The following CLCN1 variants were observed in gnomAD, a reference collection of about 807,000 sequenced individuals.
The protein encoded by CLCN1 is chloride channel protein 1.
A neutral mutation model predicts 114.5 loss-of-function variants in CLCN1; 100 were observed. That is an observed-to-expected ratio of 0.87 (90% CI 0.74 to 1.03). The LOEUF (loss-of-function observed/expected upper bound fraction) is 1.03, where lower values mean the gene tolerates loss of function less well. Among genes scored for constraint, CLCN1 ranks in the 50% least tolerant of loss-of-function variants. CLCN1 has a pLI of 0.00. For missense variants in CLCN1, 1,188 were observed against 1,250.0 expected, an observed-to-expected ratio of 0.95 and a Z score of 0.75; for synonymous variants, 485 against 487.1, an observed-to-expected ratio of 1.00 and a Z score of 0.06.
At position 143,339,720 on chromosome 7, in the gene CLCN1, C is replaced by T. The variant is rs1052783352; in HGVS notation, c.1582+99C>T. On this transcript the variant is annotated intron_variant, in intron 14 of 22. Transcript: ENST00000343257. The surrounding 1 kb of genome is among the most constrained non-coding windows in gnomAD (Gnocchi z 4.1). Reference sequence around the variant, plus strand: ...GATCTTCATTCTAGGCTACACAATACGGTTTTAATTTAGTGCTACTTAACT... The same window carrying T: ...GATCTTCATTCTAGGCTACACAATATGGTTTTAATTTAGTGCTACTTAACT... The T allele has an allele frequency of 9.8e-5, 80 of 813,410 alleles. 1 individual carries two copies. The highest frequency in any genetic ancestry group is 1.0e-4 in the East Asian group (4 of 40,144). The allele number at this position is 813,410 out of a possible 1,614,324, so 50.4% of individuals were successfully genotyped here.
At chr7:143,333,604 CT>C (rs1287370108) in intron 12 of CLCN1, among the ~76,000 whole-genome samples, 1 of 152,152 alleles carries the variant, frequency 6.6e-6, no homozygotes, top group Non-Finnish European at 1.5e-5. Flanking sequence ...ATTTGAGCAT[CT>C]TTTTTCCCCC....
chr7:143,339,365 A>G lies in CLCN1; in HGVS notation c.1471+43A>G. On this transcript the variant is annotated intron_variant, in intron 13 of 22. Coordinates refer to ENST00000343257, the MANE Select transcript of CLCN1 (RefSeq NM_000083.3). This position sits in a 1 kb window ranked among gnomAD's most constrained non-coding sequence, Gnocchi z 4.1. ...GCCTGGGGTCTGACTGAGAGTTGCA[A>G]TCTAGGATACAGGAAACATAAGGAA... is the stretch of plus-strand genomic sequence containing the variant. 1 of 1,492,826 alleles carries G rather than the reference A, an allele frequency of 6.7e-7. No individual in the cohort carries two copies. Among genetic ancestry groups the G allele is most frequent in the Non-Finnish European group, 9.4e-7 (1 of 1,069,450 alleles). The allele number at this position is 1,492,826 out of a possible 1,614,324, so 92.5% of individuals were successfully genotyped here. A position where few individuals can be genotyped will look rare whatever the true frequency, so the allele number is the denominator to read the frequency against.
Position 143,345,537 on chromosome 7 carries a change from G to T in CLCN1, c.1947G>T (p.Leu649=). The T allele has an allele frequency of 1.9e-6, 3 of 1,539,602 alleles. No individual in the cohort carries two copies. The highest frequency in any genetic ancestry group is 2.6e-6 in the Non-Finnish European group (3 of 1,138,832). Reference sequence around the variant, plus strand: ...TTCCCTCAGATTCAATGATCCTGCTGGGCTCGGTGGAGCGGTCGGAACTGC... The same window carrying T: ...TTCCCTCAGATTCAATGATCCTGCTTGGCTCGGTGGAGCGGTCGGAACTGC... ...LVDSKDSMIL[L]GSVERSELQA... Residue 649 remains leucine, a synonymous_variant, in exon 17 of 23, where the codon CTG becomes CTT. Transcript: ENST00000343257.
chr7:143,319,037 C>A (rs193299990), intron 1 of CLCN1, among the ~76,000 whole-genome samples: 148 of 152,232 alleles, frequency 9.7e-4, no homozygotes, highest in Middle Eastern at 6.8e-3. Flanking sequence ...TCTTGTATAC[C>A]CCACACAGAC....
chr7:143,331,336 C>G lies in CLCN1; in HGVS notation c.1064+20C>G, dbSNP rs756608873. 17 of 1,551,170 alleles carry G rather than the reference C, an allele frequency of 1.1e-5. No homozygotes were observed. Among genetic ancestry groups the G allele is most frequent in the Non-Finnish European group, 1.3e-5 (15 of 1,122,850 alleles). On this transcript the variant is annotated intron_variant, in intron 9 of 22. Coordinates refer to ENST00000343257, the MANE Select transcript of CLCN1 (RefSeq NM_000083.3). ...CATCGGGTCAGTGGGGTTACCTGCT[C>G]TGTGTGTGGTGAGCAGGGTGTGGAG...
rs1193253727 is a variant in CLCN1, at chr7:143,339,491, TC to T, written c.1472-18del. ...AACTTGGATCTCGTAACACCTTCCT[TC>T]CTTTTATCTTCCCTCTAGGAGCTGC... On this transcript the variant is annotated intron_variant, in intron 13 of 22. Coordinates refer to ENST00000343257, the MANE Select transcript of CLCN1 (RefSeq NM_000083.3). The surrounding 1 kb of genome is among the most constrained non-coding windows in gnomAD (Gnocchi z 4.1). 6.3e-7 allele frequency: 1 copy of T among 1,581,958 alleles called. No individual in the cohort carries two copies. The highest frequency in any genetic ancestry group is 1.7e-5 in the Admixed American group (1 of 59,972).
chr7:143,351,582 A>C lies in CLCN1; in HGVS notation c.2596-12A>C. On this transcript the variant is annotated splice_polypyrimidine_tract_variant and intron_variant, in intron 22 of 22. Coordinates refer to ENST00000343257, the MANE Select transcript of CLCN1 (RefSeq NM_000083.3). Reference sequence around the variant, plus strand: ...ACTTTTTACCCTCTTTTCCTTTCCCACTGCTCTTCAGCTACAGAAGGCCAT... The same window carrying C: ...ACTTTTTACCCTCTTTTCCTTTCCCCCTGCTCTTCAGCTACAGAAGGCCAT... 6.2e-7 allele frequency: 1 copy of C among 1,610,898 alleles called. No homozygotes were observed. Among genetic ancestry groups the C allele is most frequent in the Non-Finnish European group, 8.5e-7 (1 of 1,179,258 alleles).
chr7:143,345,612 C>T lies in CLCN1; in HGVS notation c.2022C>T (p.Ala674=). The T allele has an allele frequency of 6.4e-7, 1 of 1,557,674 alleles. No individual in the cohort carries two copies. ...GTCCTGAGCGCAGGCTGCGCGCAGCCCAAGAGATGGCGCGGAAGTTGTCGG... is the reference window on the plus strand; with the variant it reads ...GTCCTGAGCGCAGGCTGCGCGCAGCTCAAGAGATGGCGCGGAAGTTGTCGG... The part of the protein sequence containing the change: ...HLCPERRLRA[A]QEMARKLSEL... Residue 674 remains alanine, a synonymous_variant, in exon 17 of 23, where the codon GCC becomes GCT. Coordinates refer to ENST00000343257, the MANE Select transcript of CLCN1 (RefSeq NM_000083.3).
intron 7 of CLCN1, among the ~76,000 whole-genome samples, chr7:143,328,278 T>C (rs4725611): frequency 0.86 from 131,127 of 152,054 alleles, 56,884 homozygotes; most frequent in Admixed American, 0.93. Flanking sequence ...AAAGTGTGTC[T>C]ATGAGTAGGA....
rs1250749726 is a variant in CLCN1, at chr7:143,324,790, C to G, written c.853+298C>G. ...TACAAGCCAGGAATTAAAACCAAGG[C>G]AGTCTCCGTGGCTCCCCTACTTATT... On this transcript the variant is annotated intron_variant, in intron 7 of 22. Transcript: ENST00000343257. This position sits in a 1 kb window ranked among gnomAD's most constrained non-coding sequence, Gnocchi z 4.6. Among the ~76,000 whole-genome samples, 1 of 152,186 alleles carries G rather than the reference C, an allele frequency of 6.6e-6. No homozygotes were observed.
rs148076432 is a variant in CLCN1, at chr7:143,344,994, C to T, written c.1931-527C>T. On this transcript the variant is annotated intron_variant, in intron 16 of 22. Coordinates refer to ENST00000343257, the MANE Select transcript of CLCN1 (RefSeq NM_000083.3). Reference sequence around the variant, plus strand: ...CTCGAACTCCTGACCTCAGGCGACCCGCCTGCCTCGGCCTTCCAAAGTAGT... The same window carrying T: ...CTCGAACTCCTGACCTCAGGCGACCTGCCTGCCTCGGCCTTCCAAAGTAGT... 9.2e-3 allele frequency among the ~76,000 whole-genome samples: 1,394 copies of T among 152,222 alleles called. 12 individuals carry two copies. The highest frequency in any genetic ancestry group is 0.012 in the Non-Finnish European group (813 of 68,016).
chr7:143,336,623 A>G (rs1967619), intron 12 of CLCN1, among the ~76,000 whole-genome samples: 38,329 of 112,796 alleles, frequency 0.34, 5,183 homozygotes, highest in African/African-American at 0.44. Flanking sequence ...AAAAAAAAAA[A>G]AAGAAGAAGA....
chr7:143,320,553 T>TTGTCTCTCTCTC, intron 2 of CLCN1, 111 bp from the exon 3 acceptor site: 1 of 672,510 alleles, frequency 1.5e-6, no homozygotes, highest in Non-Finnish European at 2.4e-6. Flanking sequence ...TTAGCTGCTT[T>TTGTCTCTCTCTC]TCTCTCTCTC....
intron 1 of CLCN1, among the ~76,000 whole-genome samples, chr7:143,319,429 C>T (rs147353950): frequency 3.9e-4 from 60 of 152,302 alleles, no homozygotes; most frequent in African/African-American, 1.4e-3. Context: ...TTGATATGGC[C>T]ACCTGGGTTC....
intron 1 of CLCN1, among the ~76,000 whole-genome samples, chr7:143,317,062 T>C (rs954844989): frequency 6.6e-6 from 1 of 152,020 alleles, no homozygotes; most frequent in South Asian, 2.1e-4. Context: ...CCTCCCGCTG[T>C]GGGATTGGTG....
rs752414398 is a variant in CLCN1, at chr7:143,321,502, T to G, written c.562+9T>G. ...CTCTCCCCAGGCTGTTGGTGAGAAC[T>G]TGCCACCAGACTCGGCCTGAGCTGG... On this transcript the variant is annotated intron_variant, in intron 4 of 22. Transcript: ENST00000343257. This position sits in a 1 kb window ranked among gnomAD's most constrained non-coding sequence, Gnocchi z 4.2. 3.1e-6 allele frequency: 5 copies of G among 1,614,040 alleles called. No homozygotes were observed. The highest frequency in any genetic ancestry group is 4.2e-6 in the Non-Finnish European group (5 of 1,180,018).
intron 7 of CLCN1, among the ~76,000 whole-genome samples, chr7:143,328,687 GT>G (rs1374612079): frequency 1.3e-5 from 2 of 152,186 alleles, no homozygotes; most frequent in African/African-American, 4.8e-5. Context: ...ACTCTACCTG[GT>G]TCCTGCTGTG....
chr7:143,351,982 C>G lies in CLCN1; in HGVS notation c.*17C>G, dbSNP rs78881361. On this transcript the variant is annotated 3_prime_UTR_variant, in exon 23 of 23. Coordinates refer to ENST00000343257, the MANE Select transcript of CLCN1 (RefSeq NM_000083.3). Reference sequence around the variant, plus strand: ...ATCCTTTGACCCCCTCCCACGACCTCCTCATAAAGACCGTGGAGAGGCCCA... The same window carrying G: ...ATCCTTTGACCCCCTCCCACGACCTGCTCATAAAGACCGTGGAGAGGCCCA... 7.7e-5 allele frequency: 124 copies of G among 1,612,292 alleles called. 1 individual carries two copies. In the African/African-American group the frequency reaches 1.4e-3, roughly 19 times the overall value.
intron 12 of CLCN1, among the ~76,000 whole-genome samples, chr7:143,333,270 C>T (rs1802779714): frequency 6.6e-6 from 1 of 150,602 alleles, no homozygotes; most frequent in African/African-American, 2.4e-5. Flanking sequence ...CATTGCACTC[C>T]AGCCTGGGTG....
Sources: gnomAD v4.1 joint callset for allele counts (sites outside exome capture counted in the v4.1 genomes callset) on GRCh38, gnomAD v4.1.1 for gene constraint, Gnocchi (gnomAD v3.1) non-coding constraint, MANE v1.5 for transcripts, NCBI Gene and HGNC (gene_info 2026-07-23, HGNC 2026-07-21) for gene names.